Variants in PPIL6 observed in about 807,000 individuals in gnomAD.
The protein encoded by PPIL6 is peptidylprolyl isomerase like 6.
Under a neutral mutation model 36.8 loss-of-function variants are expected in PPIL6, and 39 were observed. The ratio of observed to expected loss-of-function variants is 1.06; its 90% confidence interval spans 0.82 to 1.38. The LOEUF (loss-of-function observed/expected upper bound fraction) is 1.38. PPIL6 is among the 40% of genes most tolerant of loss of function. The pLI is 0.00. For synonymous variants in PPIL6, 123 were observed against 134.1 expected, an observed-to-expected ratio of 0.92 and a Z score of 0.57; for missense variants, 368 against 379.1, an observed-to-expected ratio of 0.97 and a Z score of 0.24.
chr6:109,440,138 C>T lies in PPIL6; in HGVS notation c.135+318G>A, dbSNP rs563161054. 3.7e-3 allele frequency: 1,473 copies of T among 399,504 alleles called. 5 individuals are homozygous for T. Among genetic ancestry groups the T allele is most frequent in the Non-Finnish European group, 5.4e-3 (1,144 of 211,222 alleles). The allele number at this position is 399,504 out of a possible 1,614,324, so 24.7% of individuals were successfully genotyped here. ...AATTAAAGAAAAAATTGACGTAGAACAAAATCTGCGGGTGTGTGTGTGTGT... is the reference window on the plus strand; with the variant it reads ...AATTAAAGAAAAAATTGACGTAGAATAAAATCTGCGGGTGTGTGTGTGTGT... On this transcript the variant is annotated intron_variant, in intron 1 of 7. Transcript: ENST00000521072.
chr6:109,436,301 C>A, intron 1 of PPIL6, 102 bp from the exon 2 acceptor site: 1 of 689,850 alleles, frequency 1.4e-6, no homozygotes. Flanking sequence ...TTATACAACA[C>A]AAGCCCAGGC....
chr6:109,403,095 G>A (rs1255217979), intron 6 of PPIL6: 2 of 1,527,018 alleles, frequency 1.3e-6, no homozygotes, highest in African/African-American at 1.4e-5. Context: ...TTCTTTTCAA[G>A]CTTCCATAAA....
At chr6:109,420,332 C>CAAAAAAAAAAAAAAAAAAAA (rs564751735) in intron 5 of PPIL6, among the ~76,000 whole-genome samples, 6 of 50,950 alleles carry the variant, frequency 1.2e-4, no homozygotes, top group Non-Finnish European at 1.2e-4. Context: ...GACTCCATCT[C>CAAAAAAAAAAAAAAAAAAAA]AAAAAAAAAA....
At chr6:109,440,322 G>T in intron 1 of PPIL6, 134 bp downstream of exon 1, 2 of 1,161,964 alleles carry the variant, frequency 1.7e-6, no homozygotes, top group Non-Finnish European at 2.5e-6. Flanking sequence ...GCCCGGCCAG[G>T]ACACGCCAGC....
intron 7 of PPIL6, among the ~76,000 whole-genome samples, chr6:109,396,135 G>T (rs1772297657): frequency 6.6e-6 from 1 of 152,110 alleles, no homozygotes; most frequent in Non-Finnish European, 1.5e-5. Context: ...TCTTGAGTTT[G>T]TCCACTTATC....
At chr6:109,419,555 T>G (rs1355390931) in intron 5 of PPIL6, among the ~76,000 whole-genome samples, 1 of 151,922 alleles carries the variant, frequency 6.6e-6, no homozygotes, top group Non-Finnish European at 1.5e-5. Flanking sequence ...AAACCCTGTC[T>G]CTACTAAAAA....
intron 3 of PPIL6, among the ~76,000 whole-genome samples, chr6:109,429,488 G>C (rs1582589040): frequency 6.6e-6 from 1 of 151,946 alleles, no homozygotes; most frequent in African/African-American, 2.4e-5. Flanking sequence ...TCCTATCTGG[G>C]GAACTCCTCA....
rs771244312 is a variant in PPIL6 at position 109,392,817 on chromosome 6, A to C, written c.*9T>G. The C allele has an allele frequency of 7.4e-7, 1 of 1,346,606 alleles. No individual in the cohort carries two copies. Among genetic ancestry groups the C allele is most frequent in the Non-Finnish European group, 1.0e-6 (1 of 956,784 alleles). 83.4% of individuals were successfully genotyped at this position (1,346,606 alleles called of 1,614,324 possible). A position where few individuals can be genotyped will look rare whatever the true frequency, so the allele number is the denominator to read the frequency against. On this transcript the variant is annotated 3_prime_UTR_variant, in exon 8 of 8. Transcript: ENST00000521072. ...TAATAAATTATCACAGAAAATATTGATATGAAAATCAAGCATAAGGATCTC... is the reference window on the plus strand; with the variant it reads ...TAATAAATTATCACAGAAAATATTGCTATGAAAATCAAGCATAAGGATCTC...
intron 3 of PPIL6, among the ~76,000 whole-genome samples, chr6:109,427,841 G>C (rs1339584657): frequency 1.3e-5 from 2 of 152,180 alleles, no homozygotes; most frequent in East Asian, 3.9e-4. Context: ...ACAGACAGGG[G>C]ATTCTTCTCT....
rs1460430554 is a variant in PPIL6 at position 109,390,997 on chromosome 6, G to A, written c.*1829C>T. 1 of 152,086 alleles carries A rather than the reference G, an allele frequency of 6.6e-6. No homozygotes were observed. The highest frequency in any genetic ancestry group is 1.5e-5 in the Non-Finnish European group (1 of 68,042). The allele number at this position is 152,086 out of a possible 1,614,324, so 9.4% of individuals were successfully genotyped here. A position where few individuals can be genotyped will look rare whatever the true frequency, so the allele number is the denominator to read the frequency against. The stretch of plus-strand genomic sequence containing the variant: ...CCTCATTCTGCTTAGGGTAAGAAAA[G>A]CACTCTCAGCCGGGTGCGGTGGCTC... On this transcript the variant is annotated 3_prime_UTR_variant, in exon 8 of 8. Transcript: ENST00000521072.
At chr6:109,394,283 G>A (rs1367901526) in intron 7 of PPIL6, among the ~76,000 whole-genome samples, 1 of 147,318 alleles carries the variant, frequency 6.8e-6, no homozygotes, top group African/African-American at 2.5e-5. Context: ...TGAGGCAGGA[G>A]AATTGCTTCA....
chr6:109,403,825 C>T (rs1772665435), intron 6 of PPIL6, among the ~76,000 whole-genome samples: 1 of 151,970 alleles, frequency 6.6e-6, no homozygotes, highest in African/African-American at 2.4e-5. Flanking sequence ...TTTCACAGCC[C>T]CAGTTTTAAT....
intron 1 of PPIL6, among the ~76,000 whole-genome samples, chr6:109,436,920 G>A (rs560387948): frequency 2.6e-5 from 4 of 152,104 alleles, no homozygotes; most frequent in African/African-American, 7.2e-5. Context: ...GCTAAACCTC[G>A]GTGGATCTAC....
chr6:109,417,334 G>C (rs1562264219), intron 6 of PPIL6, among the ~76,000 whole-genome samples: 1 of 151,392 alleles, frequency 6.6e-6, no homozygotes, highest in Non-Finnish European at 1.5e-5. Flanking sequence ...GATTGCTTGA[G>C]CCCAGGAGTT....
intron 6 of PPIL6, among the ~76,000 whole-genome samples, chr6:109,400,929 A>G (rs1453097845): frequency 2.0e-5 from 3 of 151,662 alleles, no homozygotes; most frequent in South Asian, 2.1e-4. Context: ...GTGCGATCTC[A>G]GCTCACTGCA....
Position 109,438,777 on chromosome 6 carries a change from T to C in PPIL6, c.135+1679A>G, listed in dbSNP as rs1239927524. Reference sequence around the variant, plus strand: ...ATAATTTTTGTATTTTTAGTAGAGATGGGGTTTCACCATGTTGGCCAGGCT... The same window carrying C: ...ATAATTTTTGTATTTTTAGTAGAGACGGGGTTTCACCATGTTGGCCAGGCT... On this transcript the variant is annotated intron_variant, in intron 1 of 7. Coordinates refer to ENST00000521072, the MANE Select transcript of PPIL6 (RefSeq NM_173672.5). Among the ~76,000 whole-genome samples the C allele has an allele frequency of 3.3e-5, 5 of 151,952 alleles. No homozygotes were observed. The East Asian group carries it at 5.8e-4, about 18-fold the overall frequency.
rs1474741805 is a variant in PPIL6, at chr6:109,392,249, A to G, written c.*577T>C. On this transcript the variant is annotated 3_prime_UTR_variant, in exon 8 of 8. Coordinates refer to ENST00000521072, the MANE Select transcript of PPIL6 (RefSeq NM_173672.5). ...CAGTGGCGGCATCTCGGCTCACTGCAACCTCCGCCTCCCGGGTTCAAGAGA... is the reference window on the plus strand; with the variant it reads ...CAGTGGCGGCATCTCGGCTCACTGCGACCTCCGCCTCCCGGGTTCAAGAGA... 2 of 152,360 alleles carry G rather than the reference A, an allele frequency of 1.3e-5. No individual in the cohort carries two copies. Among genetic ancestry groups the G allele is most frequent in the Non-Finnish European group, 2.9e-5 (2 of 68,294 alleles). 9.4% of individuals were successfully genotyped at this position (152,360 alleles called of 1,614,324 possible).
chr6:109,435,489 A>G (rs1774395280), intron 2 of PPIL6, among the ~76,000 whole-genome samples: 1 of 151,916 alleles, frequency 6.6e-6, no homozygotes, highest in African/African-American at 2.4e-5. Context: ...GTAGAGACGG[A>G]GTTTCACCAC....
intron 5 of PPIL6, among the ~76,000 whole-genome samples, chr6:109,422,428 C>T (rs905807388): frequency 2.0e-5 from 3 of 152,118 alleles, no homozygotes; most frequent in Non-Finnish European, 1.5e-5. Context: ...CCTGTCTTTA[C>T]AAAAACATTT....
Sources: gnomAD v4.1 joint callset for allele counts (sites outside exome capture counted in the v4.1 genomes callset) on GRCh38, gnomAD v4.1.1 for gene constraint, MANE v1.5 for transcripts, NCBI Gene and HGNC (gene_info 2026-07-23, HGNC 2026-07-21) for gene names.